GABRR1: variants seen among roughly 807,000 people sequenced by gnomAD.
The protein encoded by GABRR1 is gamma-aminobutyric acid receptor subunit rho-1.
GABRR1 carries 59 observed loss-of-function variants against 55.5 expected under a neutral mutation model. The ratio of observed to expected loss-of-function variants is 1.06; its 90% CI spans 0.86 to 1.32. The LOEUF (loss-of-function observed/expected upper bound fraction) is 1.32. Ranked by LOEUF, GABRR1 falls within the 40% of genes most tolerant of loss-of-function variation. The pLI is 0.00. For synonymous variants in GABRR1, 213 were observed against 226.0 expected (o/e 0.94, Z 0.51); for missense variants, 602 against 619.1 (o/e 0.97, Z 0.29).
upstream of GABRR1, among the ~76,000 whole-genome samples, chr6:89,218,459 C>CT (rs1428244058): frequency 2.0e-5 from 3 of 152,154 alleles, no homozygotes; most frequent in African/African-American, 7.2e-5. Context: ...TCACAATAAG[C>CT]TTTTAAATTC....
intron 5 of GABRR1, among the ~76,000 whole-genome samples, chr6:89,195,336 G>A (rs1159243319): frequency 6.6e-6 from 1 of 152,088 alleles, no homozygotes; most frequent in Non-Finnish European, 1.5e-5. Flanking sequence ...GGTGGCATGT[G>A]CCTGTAGTCC....
intron 1 of GABRR1, among the ~76,000 whole-genome samples, chr6:89,207,607 A>G (rs1405720027): frequency 6.6e-6 from 1 of 152,174 alleles, no homozygotes; most frequent in East Asian, 1.9e-4. Context: ...TTAGGAAGAG[A>G]GAAAAGAATT....
intron 1 of GABRR1, among the ~76,000 whole-genome samples, chr6:89,213,497 G>C (rs1772890511): frequency 6.6e-6 from 1 of 152,212 alleles, no homozygotes; most frequent in African/African-American, 2.4e-5. Flanking sequence ...ACTTCCAGGA[G>C]TCTAACCTGA....
At chr6:89,185,540 A>AGTAGTCAGTGTGGGAGGT in intron 6 of GABRR1, 90 bp from the exon 7 acceptor site, 1 of 1,070,344 alleles carries the variant, frequency 9.3e-7, no homozygotes, top group Non-Finnish European at 1.4e-6. Context: ...CTGACCTCCC[A>AGTAGTCAGTGTGGGAGGT]CACTGACTAC....
chr6:89,183,884 T>C (rs1159126840), intron 7 of GABRR1, among the ~76,000 whole-genome samples: 1 of 151,470 alleles, frequency 6.6e-6, no homozygotes, highest in Admixed American at 6.6e-5. Context: ...GGGAGGAGAG[T>C]GAGGGATGAA....
chr6:89,198,110 A>G lies in GABRR1; in HGVS notation c.482T>C (p.Val161Ala). ...KKIWVPDMFFVHSKRSFIHDT... is the reference protein window; with the variant it reads ...KKIWVPDMFFAHSKRSFIHDT... ...GTGGATGAAGGAGCGTTTGGAGTGC[A>G]CGAAAAACATGTCAGGGACCCAGAT... The change falls in exon 5 of 10, where the codon GTG (valine) becomes GCG (alanine). Residue 161 changes from valine to alanine, a missense_variant. Physicochemically the swap from Val to Ala is moderately conservative, Grantham distance 64. Around this residue, in one of 3 missense-constraint regions of GABRR1, gnomAD observed 435 missense variants for 424.2 expected, o/e 1.03. Coordinates refer to ENST00000454853, the MANE Select transcript of GABRR1 (RefSeq NM_002042.5). 6.2e-7 allele frequency: 1 copy of G among 1,614,150 alleles called. No homozygotes were observed. The highest frequency in any genetic ancestry group is 8.5e-7 in the Non-Finnish European group (1 of 1,180,036).
intron 1 of GABRR1, among the ~76,000 whole-genome samples, chr6:89,210,522 T>C (rs958897541): frequency 3.3e-5 from 5 of 152,154 alleles, no homozygotes; most frequent in Admixed American, 1.3e-4. Flanking sequence ...TTTTGCATTC[T>C]ACAAAAGTGG....
At chr6:89,205,264 G>A (rs1212529597) in intron 1 of GABRR1, among the ~76,000 whole-genome samples, 3 of 152,202 alleles carry the variant, frequency 2.0e-5, no homozygotes, top group African/African-American at 7.2e-5. Flanking sequence ...GCTGGCCACA[G>A]CATCACGTTG....
chr6:89,186,759 A>T (rs1771914560), intron 6 of GABRR1, among the ~76,000 whole-genome samples: 2 of 152,148 alleles, frequency 1.3e-5, no homozygotes, highest in African/African-American at 4.8e-5. Context: ...CCTGTTCTTC[A>T]GGGTCTTGTG....
chr6:89,184,713 G>A (rs1771840220), intron 7 of GABRR1, among the ~76,000 whole-genome samples: 1 of 152,094 alleles, frequency 6.6e-6, no homozygotes, highest in African/African-American at 2.4e-5. Flanking sequence ...TACTAAGCTG[G>A]CAATGCGATT....
chr6:89,194,031 A>G (rs1254737608), intron 5 of GABRR1, among the ~76,000 whole-genome samples: 1 of 152,218 alleles, frequency 6.6e-6, no homozygotes, highest in African/African-American at 2.4e-5. Flanking sequence ...GTTCCCTGTC[A>G]GGAGATTTGT....
At chr6:89,194,491 A>G (rs1375376037) in intron 5 of GABRR1, among the ~76,000 whole-genome samples, 1 of 152,196 alleles carries the variant, frequency 6.6e-6, no homozygotes, top group Non-Finnish European at 1.5e-5. Context: ...ATAGATGTAT[A>G]CCAACAAGAA....
At chr6:89,194,589 T>C (rs1490953104) in intron 5 of GABRR1, among the ~76,000 whole-genome samples, 5 of 151,902 alleles carry the variant, frequency 3.3e-5, no homozygotes, top group Non-Finnish European at 7.4e-5. Context: ...GAATCCAAAA[T>C]AGCAATTTTA....
chr6:89,183,115 T>C (rs998170710), intron 7 of GABRR1, among the ~76,000 whole-genome samples: 1 of 132,624 alleles, frequency 7.5e-6, no homozygotes, highest in African/African-American at 2.9e-5. Context: ...AACATATGCA[T>C]GGAGGAGTTG....
In GABRR1 at chr6:89,178,807, A is replaced by G; in HGVS notation, c.1403T>C (p.Ile468Thr). ...AGACCAGTATATTAAATTGAATAAA[A>G]TGTATGCTGCTGGAAAGATGATCCT... ...YSRIIFPAAYILFNLIYWSIF... is the reference protein window; with the variant it reads ...YSRIIFPAAYTLFNLIYWSIF... Residue 468 changes from isoleucine (I) to threonine (T), a missense_variant, in exon 10 of 10, where the codon ATT becomes ACT. Transcript: ENST00000454853. 1 of 1,614,132 alleles carries G rather than the reference A, an allele frequency of 6.2e-7. No homozygotes were observed. Among genetic ancestry groups the G allele is most frequent in the East Asian group, 2.2e-5 (1 of 44,882 alleles).
At chr6:89,204,571 G>C (rs1772583976) in intron 1 of GABRR1, 1 of 1,183,652 alleles carries the variant, frequency 8.4e-7, no homozygotes, top group African/African-American at 1.6e-5. Flanking sequence ...GATTGGAATG[G>C]AAAAAAGCTT....
upstream of GABRR1, among the ~76,000 whole-genome samples, chr6:89,218,090 C>T (rs749737534): frequency 6.6e-6 from 1 of 152,150 alleles, no homozygotes; most frequent in African/African-American, 2.4e-5. Context: ...TACTTTAAGA[C>T]TCTGCTATAA....
chr6:89,205,271 G>A lies in GABRR1; in HGVS notation c.123-1786C>T, dbSNP rs188432050. On this transcript the variant is annotated intron_variant, in intron 1 of 9. Transcript: ENST00000454853. Reference sequence around the variant, plus strand: ...GAAGCAAGGCTGGCCACAGCATCACGTTGGAAGATTTGCCTCCCACTGCCA... The same window carrying A: ...GAAGCAAGGCTGGCCACAGCATCACATTGGAAGATTTGCCTCCCACTGCCA... Among the ~76,000 whole-genome samples the A allele has an allele frequency of 8.5e-4, 129 of 152,308 alleles. 1 individual carries two copies. The East Asian group carries it at 0.019, about 22-fold the overall frequency.
In GABRR1 at chr6:89,197,174, T is replaced by C. The variant is rs149322148; in HGVS notation, c.572+846A>G. 1.6e-3 allele frequency among the ~76,000 whole-genome samples: 241 copies of C among 152,354 alleles called. No homozygotes were observed. In the Middle Eastern group the frequency reaches 0.027, roughly 17 times the overall value. ...TTCAACATTGCAATCTCTGACTCCA[T>C]AGGTTTATAAGTCTACTGTGCAAGC... On this transcript the variant is annotated intron_variant, in intron 5 of 9. Coordinates refer to ENST00000454853, the MANE Select transcript of GABRR1 (RefSeq NM_002042.5).
Sources: gnomAD v4.1 joint callset for allele counts (sites outside exome capture counted in the v4.1 genomes callset) on GRCh38, gnomAD v4.1.1 for gene constraint, gnomAD v4.1.1 regional missense constraint, MANE v1.5 for transcripts, NCBI Gene and HGNC (gene_info 2026-07-23, HGNC 2026-07-21) for gene names.